The following CALD1 variants were observed in gnomAD, a reference collection of about 807,000 sequenced individuals.
The protein encoded by CALD1 is caldesmon 1, also known as caldesmon.
CALD1 carries 33 observed loss-of-function variants against 99.9 expected under a neutral mutation model. The ratio of observed to expected loss-of-function variants is 0.33; its 90% CI spans 0.25 to 0.44. The LOEUF (loss-of-function observed/expected upper bound fraction) is 0.44. Ranked by LOEUF, CALD1 falls within the 20% of genes least tolerant of loss-of-function variation. The pLI is 1.00. For synonymous variants in CALD1, 310 were observed against 325.0 expected (o/e 0.95, Z 0.50); for missense variants, 861 against 962.1 (o/e 0.89, Z 1.39).
At chr7:134,870,130 G>A (rs1800998823) in intron 3 of CALD1, among the ~76,000 whole-genome samples, 1 of 152,170 alleles carries the variant, frequency 6.6e-6, no homozygotes, top group South Asian at 2.1e-4. Flanking sequence ...AAATAATGGT[G>A]GTAAAGAAGT....
chr7:134,896,405 G>T (rs533972130), intron 3 of CALD1, among the ~76,000 whole-genome samples: 2 of 152,220 alleles, frequency 1.3e-5, no homozygotes, highest in African/African-American at 4.8e-5. Context: ...CCCTTTATCT[G>T]GTTATGGATA....
At chr7:134,782,246 G>T (rs1263037453) in intron 1 of CALD1, among the ~76,000 whole-genome samples, 2 of 152,194 alleles carry the variant, frequency 1.3e-5, no homozygotes, top group Non-Finnish European at 2.9e-5. Flanking sequence ...TCAGAAATGT[G>T]GTCGGGGGAC....
At position 134,883,959 on chromosome 7, in the gene CALD1, G is replaced by A. The variant is rs1001258742; in HGVS notation, c.71+16155G>A. On this transcript the variant is annotated intron_variant, in intron 3 of 14. Coordinates refer to ENST00000361675, the MANE Select transcript of CALD1 (RefSeq NM_033138.4). ...CTCTAATAAAAATACAAAATTAGCC[G>A]GGCATGGTGGCACATGCCTGTAATC... Among the ~76,000 whole-genome samples the A allele has an allele frequency of 2.6e-5, 4 of 152,140 alleles. No individual in the cohort carries two copies. In the South Asian group the frequency reaches 6.2e-4, roughly 24 times the overall value.
rs1807009175 is a variant in CALD1, at chr7:134,947,708, T to G, written c.1733T>G (p.Val578Gly). ...LKKKREERRK[V>G]LEEEEQRRKQ... is the part of the protein sequence containing the mutation. ...AAAAAGAGGGAGGAGAGAAGGAAGGTCCTGGAGGAGGAAGAGCAGAGGAGG... is the reference window on the plus strand; with the variant it reads ...AAAAAGAGGGAGGAGAGAAGGAAGGGCCTGGAGGAGGAAGAGCAGAGGAGG... Residue 578 changes from valine (V) to glycine (G), a missense_variant, in exon 8 of 15, where the codon GTC becomes GGC. This residue lies in a region of CALD1 where 293 missense variants were observed against 262.7 expected (regional missense o/e 1.12). Transcript: ENST00000361675. 6.2e-7 allele frequency: 1 copy of G among 1,610,348 alleles called. No individual in the cohort carries two copies.
the CALD1 span, among the ~76,000 whole-genome samples, chr7:134,715,944 A>G: frequency 3.3e-5 from 5 of 152,256 alleles, no homozygotes; most frequent in Admixed American, 2.6e-4. Context: ...CCAAGTTACA[A>G]TGGTATTTTG....
chr7:134,929,267 T>C (rs1032556577), intron 4 of CALD1, among the ~76,000 whole-genome samples: 6 of 152,088 alleles, frequency 3.9e-5, no homozygotes, highest in Non-Finnish European at 7.3e-5. Flanking sequence ...TTCAATAGTT[T>C]TGGGGGAACA....
At chr7:134,892,415 T>C (rs553543989) in intron 3 of CALD1, among the ~76,000 whole-genome samples, 1 of 152,352 alleles carries the variant, frequency 6.6e-6, no homozygotes, top group African/African-American at 2.4e-5. Flanking sequence ...TTGAAAAACT[T>C]ACTGGGTCTT....
At chr7:134,874,261 C>T (rs916582202) in intron 3 of CALD1, among the ~76,000 whole-genome samples, 5 of 151,700 alleles carry the variant, frequency 3.3e-5, no homozygotes, top group African/African-American at 4.8e-5. Context: ...GGTACCATCT[C>T]GGCTCACTGC....
At chr7:134,800,875 A>C (rs1284728725) in intron 1 of CALD1, among the ~76,000 whole-genome samples, 1 of 152,014 alleles carries the variant, frequency 6.6e-6, no homozygotes. Context: ...CCAATTTTTT[A>C]ACCCTAAAAA....
At chr7:134,747,058 G>T (rs531419299) in intron 1 of CALD1, among the ~76,000 whole-genome samples, 9 of 152,294 alleles carry the variant, frequency 5.9e-5, no homozygotes, top group African/African-American at 2.2e-4. Flanking sequence ...GAAAAAATAT[G>T]AGAAAACTTG....
chr7:134,865,283 C>A (rs573639405), intron 2 of CALD1, among the ~76,000 whole-genome samples: 186 of 152,238 alleles, frequency 1.2e-3, no homozygotes, highest in African/African-American at 4.0e-3. Flanking sequence ...GAAGGAGGAT[C>A]TCCAGCCCCA....
intron 1 of CALD1, among the ~76,000 whole-genome samples, chr7:134,757,705 C>A (rs1031161245): frequency 4.0e-5 from 6 of 151,890 alleles, no homozygotes; most frequent in African/African-American, 1.2e-4. Context: ...ATGGTGAAAC[C>A]CTGTCTCTAC....
chr7:134,711,654 C>A, the CALD1 span, among the ~76,000 whole-genome samples: 13 of 68,148 alleles, frequency 1.9e-4, 1 homozygote, highest in South Asian at 5.4e-3. Context: ...CTCTCTCTCT[C>A]TCTCTCTATA....
intron 13 of CALD1, 136 bp from the exon 14 acceptor site, chr7:134,965,170 C>A: frequency 1.6e-6 from 1 of 634,472 alleles, no homozygotes. Flanking sequence ...CTTTCAATTC[C>A]ATTTCAGATC....
At chr7:134,953,984 G>A (rs1324534648) in intron 9 of CALD1, among the ~76,000 whole-genome samples, 1 of 152,114 alleles carries the variant, frequency 6.6e-6, no homozygotes, top group Non-Finnish European at 1.5e-5. Context: ...CTGTGACTCT[G>A]ATTTTCAAGC....
At chr7:134,909,871 C>A (rs146737472) in intron 3 of CALD1, among the ~76,000 whole-genome samples, 1 of 151,934 alleles carries the variant, frequency 6.6e-6, no homozygotes, top group Admixed American at 6.6e-5. Flanking sequence ...AAAGAAACTA[C>A]AAAATAAATT....
At chr7:134,897,266 C>G (rs1157512442) in intron 3 of CALD1, among the ~76,000 whole-genome samples, 2 of 151,814 alleles carry the variant, frequency 1.3e-5, no homozygotes, top group African/African-American at 2.4e-5. Flanking sequence ...CTTCTGACCT[C>G]CCACCCAGCT....
At position 134,891,745 on chromosome 7, in the gene CALD1, T is replaced by TAA. The variant is rs10607357; in HGVS notation, c.71+23963_71+23964dup. 1,596 of 426,912 alleles carry TAA rather than the reference T, an allele frequency of 3.7e-3. 4 individuals carry two copies. Among genetic ancestry groups the TAA allele is most frequent in the Non-Finnish European group, 4.4e-3 (1,297 of 291,970 alleles). The allele number at this position is 426,912 out of a possible 1,614,324, so 26.4% of individuals were successfully genotyped here. A position where few individuals can be genotyped will look rare whatever the true frequency, so the allele number is the denominator to read the frequency against. ...TTTATAAAAAACAAACGAATTGTTG[T>TAA]AAAAAAAAAAAAAAAAAAAAAAATG... On this transcript the variant is annotated intron_variant, in intron 3 of 14. Coordinates refer to ENST00000361675, the MANE Select transcript of CALD1 (RefSeq NM_033138.4).
chr7:134,766,141 C>CTTTTTTTT lies in CALD1; in HGVS notation c.-130+21799_-130+21806dup, dbSNP rs71172475. 1.9e-3 allele frequency among the ~76,000 whole-genome samples: 138 copies of CTTTTTTTT among 70,808 alleles called. 6 individuals are homozygous for CTTTTTTTT. Among genetic ancestry groups the CTTTTTTTT allele is most frequent in the African/African-American group, 6.7e-3 (116 of 17,378 alleles). The allele number at this position is 70,808 out of a possible 152,430, so 46.5% of individuals were successfully genotyped here. A position where few individuals can be genotyped will look rare whatever the true frequency, so the allele number is the denominator to read the frequency against. On this transcript the variant is annotated intron_variant, in intron 1 of 13. Coordinates refer to the CALD1 transcript ENST00000417172. ...GAGCCCCTTAAACCTCTTTTCTTTT[C>CTTTTTTTT]TTTTTTTTTTTTTTTTTTTTTTTTT...
Sources: gnomAD v4.1 joint callset for allele counts (sites outside exome capture counted in the v4.1 genomes callset) on GRCh38, gnomAD v4.1.1 for gene constraint, gnomAD v4.1.1 regional missense constraint, MANE v1.5 for transcripts, NCBI Gene and HGNC (gene_info 2026-07-23, HGNC 2026-07-21) for gene names.